The following PTH1R variants were observed in gnomAD, a reference collection of about 807,000 sequenced individuals.
PTH1R encodes the protein parathyroid hormone 1 receptor, also known as parathyroid hormone/parathyroid hormone-related peptide receptor.
In PTH1R, 32 loss-of-function variants were observed where a neutral mutation model predicts 70.7. The ratio of observed to expected loss-of-function variants is 0.45; its 90% confidence interval spans 0.34 to 0.61. PTH1R has a LOEUF of 0.61. PTH1R is among the 20% of genes least tolerant of loss of function. The pLI, the probability that PTH1R is intolerant of heterozygous loss-of-function variation, is 0.01. For missense variants in PTH1R, 626 were observed against 792.5 expected, an observed-to-expected ratio of 0.79 and a Z score of 2.52; for synonymous variants, 329 against 324.8, an observed-to-expected ratio of 1.01 and a Z score of -0.14.
chr3:46,898,443 C>T lies in PTH1R; in HGVS notation c.609C>T (p.Thr203=), dbSNP rs368915865. 11 of 1,613,880 alleles carry T rather than the reference C, an allele frequency of 6.8e-6. No homozygotes were observed. The African/African-American group carries it at 9.3e-5, about 14-fold the overall frequency. The part of the protein sequence containing the change: ...VGYSVSLASL[T]VAVLILAYFR... Reference sequence around the variant, plus strand: ...ACTCCGTGTCCCTGGCGTCCCTCACCGTAGCTGTGCTCATCCTGGCCTACT... The same window carrying T: ...ACTCCGTGTCCCTGGCGTCCCTCACTGTAGCTGTGCTCATCCTGGCCTACT... Residue 203 remains threonine, a synonymous_variant, in exon 8 of 16, where the codon ACC becomes ACT. Coordinates refer to ENST00000449590, the MANE Select transcript of PTH1R (RefSeq NM_000316.3).
Position 46,896,857 on chromosome 3 carries a change from T to C in PTH1R, c.313+988T>C, listed in dbSNP as rs948853492. Among the ~76,000 whole-genome samples, 1 of 152,146 alleles carries C rather than the reference T, an allele frequency of 6.6e-6. No homozygotes were observed. The highest frequency in any genetic ancestry group is 1.5e-5 in the Non-Finnish European group (1 of 68,006). ...TACTTTGAATCCCACCATTAGCACT[T>C]AGATTTGGGGAATCGATCTCCCCCA... On this transcript the variant is annotated intron_variant, in intron 5 of 15. Coordinates refer to ENST00000449590, the MANE Select transcript of PTH1R (RefSeq NM_000316.3). The surrounding 1 kb of genome is among the most constrained non-coding windows in gnomAD (Gnocchi z 4.1).
Position 46,903,428 on chromosome 3 carries a change from C to T in PTH1R, c.1554C>T (p.Leu518=). 1.2e-6 allele frequency: 2 copies of T among 1,613,314 alleles called. No homozygotes were observed. Among genetic ancestry groups the T allele is most frequent in the Non-Finnish European group, 1.7e-6 (2 of 1,179,804 alleles). The part of the protein sequence containing the change: ...VGPRVGLGLP[L]SPRLLPTATT... ...CCCGTGTGGGACTCGGCCTGCCCCT[C>T]AGCCCCCGCCTACTGCCCACTGCCA... is the stretch of plus-strand genomic sequence containing the variant. The change falls in exon 16 of 16, where the codon CTC becomes CTT. Residue 518 remains leucine, a synonymous_variant. Coordinates refer to ENST00000449590, the MANE Select transcript of PTH1R (RefSeq NM_000316.3). The surrounding 1 kb of genome is among the most constrained non-coding windows in gnomAD (Gnocchi z 4.4).
Position 46,898,199 on chromosome 3 carries a change from G to A in PTH1R, c.543+7G>A. ...CAATGAGACTCGTGAACGGGTGCGA[G>A]CCTTTCTCCTCCCCAACCTGACCAG... On this transcript the variant is annotated splice_region_variant and intron_variant, in intron 7 of 15. Transcript: ENST00000449590. The A allele has an allele frequency of 6.2e-7, 1 of 1,613,502 alleles. No individual in the cohort carries two copies. Among genetic ancestry groups the A allele is most frequent in the Non-Finnish European group, 8.5e-7 (1 of 1,179,412 alleles).
rs957491176 is a variant in PTH1R, at chr3:46,897,982, G to A, written c.424+17G>A. The A allele has an allele frequency of 6.2e-7, 1 of 1,613,786 alleles. No homozygotes were observed. The highest frequency in any genetic ancestry group is 1.3e-5 in the African/African-American group (1 of 74,932). ...ATCACAAAGGTGAGGCCTGCTGGAA[G>A]GGGTGGGGATTACAAGGAGGCTGAG... is the stretch of plus-strand genomic sequence containing the variant. On this transcript the variant is annotated intron_variant, in intron 6 of 15. Transcript: ENST00000449590.
rs115471184 is a variant in PTH1R, at chr3:46,884,678, C to A, written c.75+1044C>A. Among the ~76,000 whole-genome samples the A allele has an allele frequency of 9.9e-4, 151 of 152,172 alleles. No homozygotes were observed. Among genetic ancestry groups the A allele is most frequent in the Non-Finnish European group, 1.8e-3 (121 of 67,980 alleles). ...GCTAGAGAGCAGGGCAGTCAGGCAG[C>A]CTCCTCCTCCTGACCAGCAGCAGCT... is the stretch of plus-strand genomic sequence containing the variant. On this transcript the variant is annotated intron_variant, in intron 3 of 15. Transcript: ENST00000449590. The surrounding 1 kb of genome is among the most constrained non-coding windows in gnomAD (Gnocchi z 4.8).
intron 3 of PTH1R, among the ~76,000 whole-genome samples, chr3:46,890,496 C>CTTATTTT (rs2031347161): frequency 1.4e-5 from 1 of 72,368 alleles, no homozygotes. Context: ...TTCACAGCAG[C>CTTATTTT]TTTTTTTTTT....
At position 46,892,366 on chromosome 3, in the gene PTH1R, C is replaced by T. The variant is rs1252186737; in HGVS notation, c.76-1541C>T. 6.6e-6 allele frequency among the ~76,000 whole-genome samples: 1 copy of T among 152,246 alleles called. No homozygotes were observed. Among genetic ancestry groups the T allele is most frequent in the African/African-American group, 2.4e-5 (1 of 41,468 alleles). On this transcript the variant is annotated intron_variant, in intron 3 of 15. Coordinates refer to ENST00000449590, the MANE Select transcript of PTH1R (RefSeq NM_000316.3). The surrounding 1 kb of genome is among the most constrained non-coding windows in gnomAD (Gnocchi z 5.2). ...TGCACGTGCATGCTCACAAACACGTCCGGCTCGCGTCCCATACTGACAGGC... is the reference window on the plus strand; with the variant it reads ...TGCACGTGCATGCTCACAAACACGTTCGGCTCGCGTCCCATACTGACAGGC...
rs2030803894 is a variant in PTH1R, at chr3:46,883,552, C to G, written c.-8C>G. 1.3e-6 allele frequency: 2 copies of G among 1,533,276 alleles called. No homozygotes were observed. The highest frequency in any genetic ancestry group is 1.7e-6 in the Non-Finnish European group (2 of 1,144,718). The allele number at this position is 1,533,276 out of a possible 1,614,324, so 95.0% of individuals were successfully genotyped here. A position where few individuals can be genotyped will look rare whatever the true frequency, so the allele number is the denominator to read the frequency against. Reference sequence around the variant, plus strand: ...CTGCCCCGAGGGACGCGGCCCTAGGCGGTGGCGATGGGGACCGCCCGGATC... The same window carrying G: ...CTGCCCCGAGGGACGCGGCCCTAGGGGGTGGCGATGGGGACCGCCCGGATC... On this transcript the variant is annotated 5_prime_UTR_variant, in exon 3 of 16. Coordinates refer to ENST00000449590, the MANE Select transcript of PTH1R (RefSeq NM_000316.3). This position sits in a 1 kb window ranked among gnomAD's most constrained non-coding sequence, Gnocchi z 6.4.
rs199621988 is a variant in PTH1R, at chr3:46,893,983, G to T, written c.152G>T (p.Arg51Leu). The change falls in exon 4 of 16, where the codon CGG becomes CTG. Residue 51 changes from arginine to leucine, a missense_variant. This residue lies in a region of PTH1R where 123 missense variants were observed against 125.7 expected (regional missense o/e 0.98). Transcript: ENST00000449590. The surrounding 1 kb of genome is among the most constrained non-coding windows in gnomAD (Gnocchi z 5.2). ...LHRAQAQCEK[R>L]LKEVLQRPAS... The stretch of plus-strand genomic sequence containing the variant: ...CGTGCTCAGGCCCAGTGCGAAAAAC[G>T]GCTCAAGGAGGTCCTGCAGAGGCCA... The T allele has an allele frequency of 3.9e-5, 63 of 1,614,014 alleles. No homozygotes were observed. The highest frequency in any genetic ancestry group is 5.1e-5 in the Non-Finnish European group (60 of 1,180,028).
chr3:46,888,124 A>G (rs2031157415), intron 3 of PTH1R, among the ~76,000 whole-genome samples: 2 of 152,312 alleles, frequency 1.3e-5, no homozygotes, highest in South Asian at 2.1e-4. Flanking sequence ...ATAGGATGTT[A>G]AGAGGATTCT....
At chr3:46,898,636 C>T (rs770549841) in intron 8 of PTH1R, 26 bp from the exon 9 acceptor site, 8 of 1,610,358 alleles carry the variant, frequency 5.0e-6, no homozygotes, top group Non-Finnish European at 5.9e-6. Context: ...GTGCCCCCAC[C>T]CACGGTCATG....
At position 46,898,433 on chromosome 3, in the gene PTH1R, C is replaced by G; in HGVS notation, c.599C>G (p.Ala200Gly). 1 of 1,614,038 alleles carries G rather than the reference C, an allele frequency of 6.2e-7. No homozygotes were observed. Among genetic ancestry groups the G allele is most frequent in the Non-Finnish European group, 8.5e-7 (1 of 1,180,008 alleles). Residue 200 changes from alanine (A) to glycine (G), a missense_variant, in exon 8 of 16, where the codon GCG becomes GGG. Ala to Gly is a moderately conservative substitution (Grantham distance 60). Transcript: ENST00000449590. Reference sequence around the variant, plus strand: ...ACCGTGGGCTACTCCGTGTCCCTGGCGTCCCTCACCGTAGCTGTGCTCATC... The same window carrying G: ...ACCGTGGGCTACTCCGTGTCCCTGGGGTCCCTCACCGTAGCTGTGCTCATC... The part of the protein sequence containing the change: ...IYTVGYSVSL[A>G]SLTVAVLILA...
At chr3:46,888,633 ACCTTCAAAC>A (rs536984332) in intron 3 of PTH1R, among the ~76,000 whole-genome samples, 193 of 152,278 alleles carry the variant, frequency 1.3e-3, no homozygotes, top group Non-Finnish European at 2.4e-3. Context: ...AACATCAGAG[ACCTTCAAAC>A]CCTTAAAAGC....
At position 46,903,748 on chromosome 3, in the gene PTH1R, C is replaced by T; in HGVS notation, c.*92C>T. 6.5e-7 allele frequency: 1 copy of T among 1,546,872 alleles called. No homozygotes were observed. The highest frequency in any genetic ancestry group is 1.7e-4 in the Middle Eastern group (1 of 5,730). On this transcript the variant is annotated 3_prime_UTR_variant, in exon 16 of 16. Coordinates refer to ENST00000449590, the MANE Select transcript of PTH1R (RefSeq NM_000316.3). The surrounding 1 kb of genome is among the most constrained non-coding windows in gnomAD (Gnocchi z 4.4). ...AATGATTTCCCACTCAGGGCTGGGGCCAAGAGGAAAAACAGGGAAAAAAAG... is the reference window on the plus strand; with the variant it reads ...AATGATTTCCCACTCAGGGCTGGGGTCAAGAGGAAAAACAGGGAAAAAAAG...
At chr3:46,895,998 C>T (rs1217841740) in intron 5 of PTH1R, 129 bp downstream of exon 5, 2 of 1,230,840 alleles carry the variant, frequency 1.6e-6, no homozygotes, top group Non-Finnish European at 2.3e-6. Flanking sequence ...GCCACATCCC[C>T]AGGCAAGGGG....
chr3:46,891,825 G>A lies in PTH1R; in HGVS notation c.76-2082G>A, dbSNP rs570867778. ...TGGTAACGGTGATGCCAGTGGTGGT[G>A]GTGGTAGTACTGGGAGGGACTGGTG... On this transcript the variant is annotated intron_variant, in intron 3 of 15. Coordinates refer to ENST00000449590, the MANE Select transcript of PTH1R (RefSeq NM_000316.3). This position sits in a 1 kb window ranked among gnomAD's most constrained non-coding sequence, Gnocchi z 4.3. 6.6e-6 allele frequency among the ~76,000 whole-genome samples: 1 copy of A among 152,222 alleles called. No homozygotes were observed. The highest frequency in any genetic ancestry group is 2.4e-5 in the African/African-American group (1 of 41,512).
In PTH1R at chr3:46,899,351, AACT is replaced by A; in HGVS notation, c.890_892del (p.Tyr297del). ...CTTCTTCCTTTACTTCCTGGCCACC[AACT>A]ACTACTGGATTCTGGTGGAGGGGCT... On this transcript the variant is annotated inframe_deletion, in exon 10 of 16. Transcript: ENST00000449590. The A allele has an allele frequency of 6.2e-7, 1 of 1,614,036 alleles. No individual in the cohort carries two copies. The highest frequency in any genetic ancestry group is 8.5e-7 in the Non-Finnish European group (1 of 1,180,000).
At chr3:46,898,939 TCGC>T in intron 9 of PTH1R, 82 bp downstream of exon 9, 1 of 1,022,076 alleles carries the variant, frequency 9.8e-7, no homozygotes, top group Non-Finnish European at 1.3e-6. Context: ...AGCCCGGCCC[TCGC>T]CCTGCCCGCC....
Position 46,901,796 on chromosome 3 carries a change from C to T in PTH1R, c.1147C>T (p.Arg383Trp), listed in dbSNP as rs1223652166. 19 of 1,613,968 alleles carry T rather than the reference C, an allele frequency of 1.2e-5. No homozygotes were observed. The highest frequency in any genetic ancestry group is 1.4e-5 in the Non-Finnish European group (16 of 1,179,994). ...CTTCATCCTCTTCATCAATATCGTC[C>T]GGGTGCTCGCCACCAAGCTGCGGGA... Reference protein sequence around the residue: ...LNFILFINIVRVLATKLRETN... With the variant: ...LNFILFINIVWVLATKLRETN... The change falls in exon 13 of 16, where the codon CGG becomes TGG. Residue 383 changes from arginine to tryptophan, a missense_variant. Physicochemically the swap from Arg to Trp is moderately radical, Grantham distance 101 (BLOSUM62 -3). Coordinates refer to ENST00000449590, the MANE Select transcript of PTH1R (RefSeq NM_000316.3). The surrounding 1 kb of genome is among the most constrained non-coding windows in gnomAD (Gnocchi z 7.3).
Sources: allele counts gnomAD v4.1 joint callset (sites outside exome capture counted in the v4.1 genomes callset), GRCh38; gene constraint gnomAD v4.1.1; regional missense constraint gnomAD v4.1.1; non-coding constraint Gnocchi (gnomAD v3.1); transcripts MANE v1.5; gene names NCBI Gene and HGNC (gene_info 2026-07-23, HGNC 2026-07-21).